RPS6KA5: variants seen among roughly 807,000 people sequenced by gnomAD.
The protein encoded by RPS6KA5 is ribosomal protein S6 kinase A5.
In RPS6KA5, 27 loss-of-function variants were observed where a neutral mutation model predicts 85.5. The ratio of observed to expected loss-of-function variants is 0.32; its 90% CI spans 0.23 to 0.44. RPS6KA5 has a LOEUF of 0.44. Ranked by LOEUF, RPS6KA5 falls within the 20% of genes least tolerant of loss-of-function variation. The pLI is 1.00. For missense variants in RPS6KA5, 811 were observed against 980.9 expected (o/e 0.83, Z 2.31); for synonymous variants, 334 against 348.2 (o/e 0.96, Z 0.46).
intron 1 of RPS6KA5, among the ~76,000 whole-genome samples, chr14:91,020,223 G>A (rs1356057136): frequency 6.6e-6 from 1 of 151,582 alleles, no homozygotes; most frequent in Non-Finnish European, 1.5e-5. Flanking sequence ...GTACACGTGT[G>A]TGTGTATGGC....
chr14:90,919,006 G>A (rs1400499904), intron 7 of RPS6KA5, among the ~76,000 whole-genome samples: 1 of 152,148 alleles, frequency 6.6e-6, no homozygotes, highest in African/African-American at 2.4e-5. Context: ...CTGGAAATGT[G>A]AATGCATTGA....
intron 12 of RPS6KA5, 116 bp downstream of exon 12, chr14:90,899,213 G>T: frequency 1.5e-6 from 1 of 668,612 alleles, no homozygotes; most frequent in Non-Finnish European, 2.5e-6. Context: ...TCTGGTGGCT[G>T]GGTGATGTTC....
chr14:90,957,279 G>T (rs1042578428), intron 3 of RPS6KA5, among the ~76,000 whole-genome samples: 1 of 152,168 alleles, frequency 6.6e-6, no homozygotes. Flanking sequence ...TGGCCAGGCT[G>T]CTCTCAAACT....
At chr14:90,920,921 G>A (rs1281760138) in intron 6 of RPS6KA5, among the ~76,000 whole-genome samples, 2 of 152,012 alleles carry the variant, frequency 1.3e-5, no homozygotes, top group East Asian at 3.9e-4. Flanking sequence ...TATTTGAGAT[G>A]GGGTCTCACT....
intron 2 of RPS6KA5, among the ~76,000 whole-genome samples, chr14:90,998,585 G>A (rs1021977516): frequency 3.9e-5 from 6 of 152,172 alleles, no homozygotes; most frequent in African/African-American, 1.4e-4. Flanking sequence ...TTTGAAACAG[G>A]AAACAAAGGT....
rs776535427 is a variant in RPS6KA5, at chr14:90,856,457, G to C, written c.*15617C>G. The C allele has an allele frequency of 6.8e-6, 1 of 147,186 alleles. No individual in the cohort carries two copies. 9.1% of individuals were successfully genotyped at this position (147,186 alleles called of 1,614,324 possible). ...AGGCTCACTGCAACCTCTGCCTCCC[G>C]GGTTAAAGTGATTCTCCTGCCTCAG... On this transcript the variant is annotated 3_prime_UTR_variant, in exon 17 of 17. Transcript: ENST00000614987.
Position 90,873,657 on chromosome 14 carries a change from T to G in RPS6KA5, c.2135A>C (p.His712Pro). The G allele has an allele frequency of 1.2e-6, 2 of 1,614,170 alleles. No individual in the cohort carries two copies. The highest frequency in any genetic ancestry group is 1.1e-5 in the South Asian group (1 of 91,072). Residue 712 changes from histidine to proline, a missense_variant, in exon 16 of 17, where the codon CAT becomes CCT. Transcript: ENST00000614987. ...DILGSSGAAV[H>P]TCVKATFHAF... ...GTGGAAGGTTGCTTTCACACAGGTA[T>G]GCACGGCAGCTCCGGAAGATCCTAG...
At chr14:90,893,687 G>T (rs956947120) in intron 13 of RPS6KA5, among the ~76,000 whole-genome samples, 11 of 151,908 alleles carry the variant, frequency 7.2e-5, no homozygotes, top group African/African-American at 2.4e-4. Flanking sequence ...TCTTGTATAT[G>T]GTAAAGGATG....
chr14:90,994,717 G>A (rs1218147082), intron 2 of RPS6KA5, among the ~76,000 whole-genome samples: 3 of 151,550 alleles, frequency 2.0e-5, no homozygotes, highest in African/African-American at 4.9e-5. Flanking sequence ...GAGTACAGGT[G>A]CCCGCCACCA....
intron 4 of RPS6KA5, among the ~76,000 whole-genome samples, chr14:90,943,568 C>A (rs1453060375): frequency 6.6e-6 from 1 of 152,180 alleles, no homozygotes; most frequent in Non-Finnish European, 1.5e-5. Flanking sequence ...ACTCTCCTGA[C>A]TAACCAGATC....
Position 90,854,010 on chromosome 14 carries a change from T to G in RPS6KA5, c.*18064A>C, listed in dbSNP as rs1298099840. The G allele has an allele frequency of 6.6e-6, 1 of 152,190 alleles. No individual in the cohort carries two copies. Among genetic ancestry groups the G allele is most frequent in the Non-Finnish European group, 1.5e-5 (1 of 68,044 alleles). 9.4% of individuals were successfully genotyped at this position (152,190 alleles called of 1,614,324 possible). A position where few individuals can be genotyped will look rare whatever the true frequency, so the allele number is the denominator to read the frequency against. On this transcript the variant is annotated 3_prime_UTR_variant, in exon 17 of 17. Coordinates refer to ENST00000614987, the MANE Select transcript of RPS6KA5 (RefSeq NM_004755.4). ...AGGGGCAGTCTTATTAATTTGGTAT[T>G]GTAAGCCCCCAATACATGTGTGTAT...
At chr14:90,929,238 C>A (rs144328774) in intron 5 of RPS6KA5, among the ~76,000 whole-genome samples, 42 of 151,942 alleles carry the variant, frequency 2.8e-4, no homozygotes, top group African/African-American at 8.7e-4. Context: ...GTAGACAAAT[C>A]AATAAAACCA....
At chr14:90,877,677 T>G (rs980964576) in intron 14 of RPS6KA5, among the ~76,000 whole-genome samples, 5 of 152,180 alleles carry the variant, frequency 3.3e-5, no homozygotes, top group Non-Finnish European at 5.9e-5. Flanking sequence ...ACTTTCCACA[T>G]GCTGTTTGGT....
chr14:90,885,552 C>CAAAAAAAAAAAAAAA (rs780292114), intron 14 of RPS6KA5, among the ~76,000 whole-genome samples: 2 of 19,876 alleles, frequency 1.0e-4, no homozygotes, highest in African/African-American at 4.1e-4. Context: ...GACTCCGTCT[C>CAAAAAAAAAAAAAAA]AAAAAAAAAA....
At chr14:91,036,493 A>C (rs532140769) in intron 1 of RPS6KA5, among the ~76,000 whole-genome samples, 89 of 152,320 alleles carry the variant, frequency 5.8e-4, no homozygotes, top group African/African-American at 1.9e-3. Flanking sequence ...AGACAAACAG[A>C]TCCATGCACA....
At chr14:90,924,724 G>A (rs763173867) in intron 5 of RPS6KA5, among the ~76,000 whole-genome samples, 1 of 152,184 alleles carries the variant, frequency 6.6e-6, no homozygotes, top group Non-Finnish European at 1.5e-5. Flanking sequence ...GAATACTCAT[G>A]TGTTTTAAGT....
intron 5 of RPS6KA5, among the ~76,000 whole-genome samples, chr14:90,939,661 A>T (rs1344545542): frequency 5.1e-4 from 77 of 152,212 alleles, no homozygotes; most frequent in Non-Finnish European, 1.8e-4. Context: ...TCCCGTTTTT[A>T]AAACCATTAG....
In RPS6KA5 at chr14:90,933,605, G is replaced by T. The variant is rs1025405496; in HGVS notation, c.618+9473C>A. 3.9e-5 allele frequency among the ~76,000 whole-genome samples: 6 copies of T among 152,074 alleles called. No individual in the cohort carries two copies. In the East Asian group the frequency reaches 1.2e-3, roughly 29 times the overall value. On this transcript the variant is annotated intron_variant, in intron 5 of 16. Coordinates refer to ENST00000614987, the MANE Select transcript of RPS6KA5 (RefSeq NM_004755.4). Reference sequence around the variant, plus strand: ...ATCTGGACCTCATGTTTCCACACTTGTCCCACTACAGGATTATCACAGTTA... The same window carrying T: ...ATCTGGACCTCATGTTTCCACACTTTTCCCACTACAGGATTATCACAGTTA...
intron 1 of RPS6KA5, among the ~76,000 whole-genome samples, chr14:91,005,463 A>C (rs1305309499): frequency 1.3e-5 from 2 of 152,254 alleles, no homozygotes; most frequent in Non-Finnish European, 2.9e-5. Flanking sequence ...TGGCAAAGTA[A>C]GTAAACACAC....
Sources: allele counts gnomAD v4.1 joint callset (sites outside exome capture counted in the v4.1 genomes callset), GRCh38; gene constraint gnomAD v4.1.1; transcripts MANE v1.5; gene names NCBI Gene and HGNC (gene_info 2026-07-23, HGNC 2026-07-21).